GRID1: variants seen among roughly 807,000 people sequenced by gnomAD.
GRID1 encodes glutamate receptor ionotropic, delta-1.
Under a neutral mutation model 98.0 loss-of-function variants are expected in GRID1, and 28 were observed. That is an observed-to-expected ratio of 0.29 (90% CI 0.21 to 0.39). GRID1 has a LOEUF of 0.39. Ranked by LOEUF, GRID1 falls within the 10% of genes least tolerant of loss-of-function variation. The probability of loss-of-function intolerance (pLI) is 1.00; values close to 1 mark genes in which losing one functional copy is unlikely to be tolerated. For missense variants in GRID1, 1,111 were observed against 1,340.5 expected (o/e 0.83, Z 2.67); for synonymous variants, 553 against 538.5 (o/e 1.03, Z -0.37).
chr10:85,665,269 G>A (rs766142724), intron 12 of GRID1, among the ~76,000 whole-genome samples: 1 of 152,062 alleles, frequency 6.6e-6, no homozygotes, highest in Non-Finnish European at 1.5e-5. Flanking sequence ...TACAGCTGTG[G>A]GGTTCAGGAT....
chr10:85,977,971 A>G (rs1842494847), intron 4 of GRID1, among the ~76,000 whole-genome samples: 1 of 152,196 alleles, frequency 6.6e-6, no homozygotes, highest in Admixed American at 6.5e-5. Context: ...CAGGGCCCAC[A>G]TGAGAGTGCC....
At chr10:85,788,831 C>CA (rs1842453309) in intron 8 of GRID1, among the ~76,000 whole-genome samples, 1 of 152,210 alleles carries the variant, frequency 6.6e-6, no homozygotes, top group Non-Finnish European at 1.5e-5. Context: ...GGAGGGCTTT[C>CA]AGCTGCTTTG....
At chr10:85,837,549 C>T (rs762942423) in intron 8 of GRID1, among the ~76,000 whole-genome samples, 15 of 152,026 alleles carry the variant, frequency 9.9e-5, no homozygotes, top group Non-Finnish European at 1.8e-4. Context: ...GAGCACTGGC[C>T]CCTGAAAATC....
Position 86,179,245 on chromosome 10 carries a change from C to A in GRID1, c.520+27119G>T, listed in dbSNP as rs139051571. 2.3e-3 allele frequency among the ~76,000 whole-genome samples: 356 copies of A among 152,248 alleles called. 1 individual carries two copies. Among genetic ancestry groups the A allele is most frequent in the African/African-American group, 8.2e-3 (339 of 41,552 alleles). ...CCACCAGCTCACAAAGCCAGACTGG[C>A]CAGGCTTGTCTCACAGCAGCCCCCA... is the stretch of plus-strand genomic sequence containing the variant. On this transcript the variant is annotated intron_variant, in intron 3 of 15. Coordinates refer to ENST00000327946, the MANE Select transcript of GRID1 (RefSeq NM_017551.3).
chr10:86,009,603 C>A (rs1842902600), intron 4 of GRID1, among the ~76,000 whole-genome samples: 1 of 152,056 alleles, frequency 6.6e-6, no homozygotes, highest in South Asian at 2.1e-4. Flanking sequence ...AAAGTCATTG[C>A]CAAGAAGGAA....
At chr10:86,010,002 G>C (rs530045809) in intron 4 of GRID1, among the ~76,000 whole-genome samples, 2 of 152,206 alleles carry the variant, frequency 1.3e-5, no homozygotes, top group South Asian at 4.1e-4. Context: ...CCTCATCCAG[G>C]TTTGCATATC....
rs1052801957 is a variant in GRID1, at chr10:85,634,286, C to T, written c.2193+12916G>A. 1.0e-3 allele frequency among the ~76,000 whole-genome samples: 132 copies of T among 131,864 alleles called. 2 individuals are homozygous for T. Among genetic ancestry groups the T allele is most frequent in the African/African-American group, 3.2e-3 (106 of 33,530 alleles). The allele number at this position is 131,864 out of a possible 152,430, so 86.5% of individuals were successfully genotyped here. A position where few individuals can be genotyped will look rare whatever the true frequency, so the allele number is the denominator to read the frequency against. Reference sequence around the variant, plus strand: ...TCTCTCTCTCTCTCTCTCTCTCTCTCTCTCTCACACACACACACACACACA... The same window carrying T: ...TCTCTCTCTCTCTCTCTCTCTCTCTTTCTCTCACACACACACACACACACA... On this transcript the variant is annotated intron_variant, in intron 13 of 15. Coordinates refer to ENST00000327946, the MANE Select transcript of GRID1 (RefSeq NM_017551.3).
chr10:85,722,495 A>C (rs1247809175), intron 12 of GRID1, among the ~76,000 whole-genome samples: 1 of 152,184 alleles, frequency 6.6e-6, no homozygotes, highest in African/African-American at 2.4e-5. Context: ...TAATCTTAAC[A>C]TTTTGTAAAC....
At chr10:86,079,441 C>T (rs1165764747) in intron 4 of GRID1, among the ~76,000 whole-genome samples, 2 of 152,156 alleles carry the variant, frequency 1.3e-5, no homozygotes, top group South Asian at 2.1e-4. Context: ...GGCTCCAGGG[C>T]TCCAGGGCTT....
At chr10:86,157,950 G>T (rs1845269073) in intron 3 of GRID1, among the ~76,000 whole-genome samples, 1 of 152,212 alleles carries the variant, frequency 6.6e-6, no homozygotes, top group African/African-American at 2.4e-5. Flanking sequence ...TCCCTGAAAG[G>T]ATGTTGAGCC....
chr10:86,281,285 C>T (rs1386865491), intron 2 of GRID1, among the ~76,000 whole-genome samples: 1 of 152,188 alleles, frequency 6.6e-6, no homozygotes, highest in East Asian at 1.9e-4. Context: ...CATTTACTTC[C>T]TGCCTGACGC....
chr10:86,339,744 C>G (rs972816263), intron 2 of GRID1, among the ~76,000 whole-genome samples: 11 of 152,186 alleles, frequency 7.2e-5, no homozygotes, highest in African/African-American at 2.7e-4. Flanking sequence ...GGTCTGGCAG[C>G]CAGCTCAGAG....
intron 4 of GRID1, among the ~76,000 whole-genome samples, chr10:85,925,710 G>A (rs539306732): frequency 7.6e-4 from 116 of 152,332 alleles, no homozygotes; most frequent in Non-Finnish European, 1.3e-3. Context: ...GAGCCATTTT[G>A]GACAGGAGAG....
chr10:85,907,641 G>T (rs1410828673), intron 5 of GRID1, among the ~76,000 whole-genome samples: 1 of 152,120 alleles, frequency 6.6e-6, no homozygotes, highest in Non-Finnish European at 1.5e-5. Context: ...TTCAGAAACT[G>T]TAAAAGAGAG....
intron 12 of GRID1, among the ~76,000 whole-genome samples, chr10:85,696,675 C>T (rs1412760003): frequency 1.3e-5 from 2 of 151,878 alleles, no homozygotes; most frequent in Non-Finnish European, 2.9e-5. Flanking sequence ...TTTTTTCTTT[C>T]AGATTACATT....
At chr10:85,911,809 G>A (rs1841543196) in intron 5 of GRID1, among the ~76,000 whole-genome samples, 1 of 152,108 alleles carries the variant, frequency 6.6e-6, no homozygotes, top group South Asian at 2.1e-4. Flanking sequence ...AGACCCACAG[G>A]GATCACTGAC....
chr10:86,218,366 CAG>C, intron 2 of GRID1, among the ~76,000 whole-genome samples: 1 of 152,082 alleles, frequency 6.6e-6, no homozygotes, highest in East Asian at 1.9e-4. Context: ...GCTAGGCCCT[CAG>C]CTGTCTAGTC....
chr10:85,756,850 T>G (rs1226930894), intron 8 of GRID1, among the ~76,000 whole-genome samples: 1 of 152,214 alleles, frequency 6.6e-6, no homozygotes, highest in Non-Finnish European at 1.5e-5. Context: ...GGTATTGCTC[T>G]GAGCACTGTA....
chr10:86,292,350 G>C (rs1296276390), intron 2 of GRID1, among the ~76,000 whole-genome samples: 1 of 152,242 alleles, frequency 6.6e-6, no homozygotes, highest in Non-Finnish European at 1.5e-5. Flanking sequence ...CAGCAGCCAA[G>C]ATGCACAGGG....
Sources: gnomAD v4.1 joint callset for allele counts (sites outside exome capture counted in the v4.1 genomes callset) on GRCh38, gnomAD v4.1.1 for gene constraint, MANE v1.5 for transcripts, NCBI Gene and HGNC (gene_info 2026-07-23, HGNC 2026-07-21) for gene names.